LRMDA: variants seen among roughly 807,000 people sequenced by gnomAD.
LRMDA encodes the protein leucine-rich melanocyte differentiation-associated protein.
In LRMDA, 18 loss-of-function variants were observed where a neutral mutation model predicts 29.8. The observed-to-expected ratio is 0.60, with a 90% CI of 0.42 to 0.90. The LOEUF is 0.90. LRMDA is among the 40% of genes least tolerant of loss of function. The pLI, the probability that LRMDA is intolerant of heterozygous loss-of-function variation, is 0.00. For synonymous variants in LRMDA, 125 were observed against 109.4 expected (o/e 1.14, Z -0.89); for missense variants, 273 against 273.9 (o/e 1.00, Z 0.02).
chr10:76,093,285 A>G (rs191206773), intron 5 of LRMDA, among the ~76,000 whole-genome samples: 101 of 151,982 alleles, frequency 6.6e-4, no homozygotes, highest in African/African-American at 2.3e-3. Flanking sequence ...TGATTCTCCC[A>G]AAGTGTTGGG....
intron 6 of LRMDA, among the ~76,000 whole-genome samples, chr10:76,420,938 A>G (rs1188265652): frequency 3.9e-5 from 6 of 152,114 alleles, no homozygotes; most frequent in African/African-American, 1.4e-4. Flanking sequence ...AGCCTGGAAT[A>G]TGTTTAATTT....
At chr10:76,328,548 T>C (rs1010957856) in intron 6 of LRMDA, among the ~76,000 whole-genome samples, 11 of 152,326 alleles carry the variant, frequency 7.2e-5, no homozygotes, top group Non-Finnish European at 1.5e-4. Flanking sequence ...CCCTGACCTT[T>C]GTCCTTTACC....
At chr10:75,754,767 A>G (rs1476684808) in intron 2 of LRMDA, among the ~76,000 whole-genome samples, 1 of 151,866 alleles carries the variant, frequency 6.6e-6, no homozygotes, top group Non-Finnish European at 1.5e-5. Flanking sequence ...TCCAGCTAGC[A>G]GGAATTTTTT....
chr10:76,403,673 G>C (rs1172333787), intron 6 of LRMDA, among the ~76,000 whole-genome samples: 1 of 152,090 alleles, frequency 6.6e-6, no homozygotes, highest in Non-Finnish European at 1.5e-5. Flanking sequence ...TAATTTTGAA[G>C]AGTTTCAGCT....
At chr10:76,513,015 G>A (rs921403223) in intron 6 of LRMDA, among the ~76,000 whole-genome samples, 1 of 152,128 alleles carries the variant, frequency 6.6e-6, no homozygotes, top group African/African-American at 2.4e-5. Context: ...CAGTAGTCAA[G>A]GTGAGGCATA....
intron 2 of LRMDA, among the ~76,000 whole-genome samples, chr10:76,003,121 C>A (rs1342160787): frequency 6.6e-6 from 1 of 152,132 alleles, no homozygotes; most frequent in Non-Finnish European, 1.5e-5. Flanking sequence ...GGGGAAGGAA[C>A]AAATGCCCAG....
intron 2 of LRMDA, among the ~76,000 whole-genome samples, chr10:75,566,868 C>T (rs781659386): frequency 7.2e-5 from 11 of 152,324 alleles, no homozygotes; most frequent in African/African-American, 2.4e-4. Flanking sequence ...CTTATCTTTT[C>T]CTTTACTCTG....
chr10:75,554,372 T>C (rs2132057067), intron 2 of LRMDA, among the ~76,000 whole-genome samples: 1 of 152,250 alleles, frequency 6.6e-6, no homozygotes. Flanking sequence ...AGAAATGATG[T>C]TGGAGAGAGG....
At chr10:75,983,350 A>G (rs891411400) in intron 2 of LRMDA, among the ~76,000 whole-genome samples, 1 of 152,182 alleles carries the variant, frequency 6.6e-6, no homozygotes, top group African/African-American at 2.4e-5. Flanking sequence ...ATTGCTGTAT[A>G]TCTTTCCATC....
At chr10:75,981,581 C>T (rs748073733) in intron 2 of LRMDA, among the ~76,000 whole-genome samples, 4 of 152,136 alleles carry the variant, frequency 2.6e-5, no homozygotes, top group Admixed American at 6.6e-5. Flanking sequence ...GGGCCGGGCA[C>T]GGTGGCTCAT....
At chr10:76,248,363 A>T (rs182735320) in intron 5 of LRMDA, among the ~76,000 whole-genome samples, 1 of 152,198 alleles carries the variant, frequency 6.6e-6, no homozygotes, top group African/African-American at 2.4e-5. Context: ...GGTTTTACAG[A>T]GTTCCTTAAC....
At chr10:75,996,734 TG>T (rs1201574273) in intron 2 of LRMDA, among the ~76,000 whole-genome samples, 1 of 150,320 alleles carries the variant, frequency 6.7e-6, no homozygotes, top group African/African-American at 2.4e-5. Context: ...GTTTGTTTGG[TG>T]TTTTTTTTTT....
At chr10:76,167,841 G>C (rs1182627646) in intron 5 of LRMDA, among the ~76,000 whole-genome samples, 1 of 152,062 alleles carries the variant, frequency 6.6e-6, no homozygotes, top group Non-Finnish European at 1.5e-5. Flanking sequence ...AAATTGCTTT[G>C]AACAGTATGG....
chr10:76,225,515 G>A (rs1851936632), intron 5 of LRMDA, among the ~76,000 whole-genome samples: 1 of 151,810 alleles, frequency 6.6e-6, no homozygotes, highest in Admixed American at 6.6e-5. Context: ...TAAATGGATT[G>A]GTAATGAATG....
At chr10:75,879,277 C>T (rs1034780515) in intron 2 of LRMDA, among the ~76,000 whole-genome samples, 17 of 152,198 alleles carry the variant, frequency 1.1e-4, no homozygotes, top group Non-Finnish European at 2.2e-4. Flanking sequence ...TCGGACCTCC[C>T]GAACACTCAA....
chr10:76,360,528 A>G (rs919368850), intron 6 of LRMDA, among the ~76,000 whole-genome samples: 6 of 152,172 alleles, frequency 3.9e-5, no homozygotes, highest in Non-Finnish European at 5.9e-5. Flanking sequence ...CCTACATAAA[A>G]GGCAAAGCAC....
At chr10:75,909,525 T>A (rs1564603852) in intron 2 of LRMDA, among the ~76,000 whole-genome samples, 1 of 152,058 alleles carries the variant, frequency 6.6e-6, no homozygotes, top group Admixed American at 6.5e-5. Context: ...TTTTTTTTTT[T>A]ATTCTGTAAG....
intron 2 of LRMDA, among the ~76,000 whole-genome samples, chr10:75,967,660 G>A (rs1047806540): frequency 1.3e-5 from 2 of 152,144 alleles, no homozygotes; most frequent in Non-Finnish European, 1.5e-5. Context: ...GTGATGAATT[G>A]TGTTAATCTG....
intron 5 of LRMDA, among the ~76,000 whole-genome samples, chr10:76,104,587 C>T (rs975193562): frequency 9.2e-5 from 14 of 152,034 alleles, no homozygotes; most frequent in East Asian, 3.9e-4. Flanking sequence ...GTCTTGGCCA[C>T]GGCTATCTGC....
Sources: allele counts gnomAD v4.1 joint callset (sites outside exome capture counted in the v4.1 genomes callset), GRCh38; gene constraint gnomAD v4.1.1; transcripts MANE v1.5; gene names NCBI Gene and HGNC (gene_info 2026-07-23, HGNC 2026-07-21).